HYAL4: variants seen among roughly 807,000 people sequenced by gnomAD.
HYAL4 encodes the protein hyaluronidase-4.
HYAL4 carries 37 observed loss-of-function variants against 35.2 expected under a neutral mutation model. That is an observed-to-expected ratio of 1.05 (90% confidence interval 0.81 to 1.38). The LOEUF is 1.38. Among genes scored for constraint, HYAL4 ranks in the 40% most tolerant of loss-of-function variants. HYAL4 has a pLI of 0.00. For missense variants in HYAL4, 572 were observed against 572.4 expected (o/e 1.00, Z 0.01); for synonymous variants, 198 against 203.2 (o/e 0.97, Z 0.22).
At chr7:123,785,252 T>C in the HYAL4 span, among the ~76,000 whole-genome samples, 1 of 151,314 alleles carries the variant, frequency 6.6e-6, no homozygotes, top group Middle Eastern at 3.2e-3. The surrounding 1 kb of genome is among the most constrained non-coding windows in gnomAD (Gnocchi z 4.5). Context: ...CGCCTGGTTA[T>C]TTTTTTTTAT....
rs1385089460 is a variant in HYAL4, at chr7:123,868,592, C to T, written c.319C>T (p.Pro107Ser). 1 of 1,614,090 alleles carries T rather than the reference C, an allele frequency of 6.2e-7. No homozygotes were observed. Among genetic ancestry groups the T allele is most frequent in the Non-Finnish European group, 8.5e-7 (1 of 1,180,002 alleles). ...YYPWYTSQGVPINGGLPQNIS... is the reference protein window; with the variant it reads ...YYPWYTSQGVSINGGLPQNIS... ...TCCGTGGTATACATCACAAGGGGTC[C>T]CCATTAATGGAGGTCTCCCACAGAA... Residue 107 changes from proline to serine, a missense_variant, in exon 3 of 5, where the codon CCC becomes TCC. Coordinates refer to ENST00000223026, the MANE Select transcript of HYAL4 (RefSeq NM_012269.3).
chr7:123,807,432 G>GTTTGTTTTT, the HYAL4 span, among the ~76,000 whole-genome samples: 4,140 of 119,832 alleles, frequency 0.035, 116 homozygotes, highest in Non-Finnish European at 0.041. Context: ...ACTTTTTATG[G>GTTTGTTTTT]TTTTTTTTTT....
At chr7:123,796,931 G>C in the HYAL4 span, among the ~76,000 whole-genome samples, 1 of 152,180 alleles carries the variant, frequency 6.6e-6, no homozygotes, top group Non-Finnish European at 1.5e-5. Context: ...GTGGTTTCTT[G>C]TAAGTAGGGA....
chr7:123,805,370 T>A, the HYAL4 span, among the ~76,000 whole-genome samples: 3 of 152,342 alleles, frequency 2.0e-5, no homozygotes, highest in East Asian at 3.9e-4. Context: ...CCAATTCTTA[T>A]GTCTTTAAAT....
chr7:123,857,515 C>T (rs1356376411), intron 2 of HYAL4, among the ~76,000 whole-genome samples: 2 of 151,996 alleles, frequency 1.3e-5, no homozygotes, highest in South Asian at 4.2e-4. Context: ...GTTGAACCCA[C>T]TGTCTAACCA....
upstream of HYAL4, among the ~76,000 whole-genome samples, chr7:123,827,263 T>C (rs192422756): frequency 6.6e-6 from 1 of 151,724 alleles, no homozygotes; most frequent in Admixed American, 6.6e-5. Context: ...TCTAGTGAGG[T>C]TGGGGATAAA....
At chr7:123,840,362 C>T (rs1323325625), upstream of HYAL4, among the ~76,000 whole-genome samples, 1 of 152,064 alleles carries the variant, frequency 6.6e-6, no homozygotes, top group African/African-American at 2.4e-5. Flanking sequence ...GTTTTGGTAC[C>T]AGTACCATGC....
intron 2 of HYAL4, among the ~76,000 whole-genome samples, chr7:123,853,840 G>A (rs1206805551): frequency 1.3e-5 from 2 of 152,136 alleles, no homozygotes; most frequent in African/African-American, 2.4e-5. Context: ...GAATTCGGAT[G>A]TGAATCCTTC....
intron 3 of HYAL4, among the ~76,000 whole-genome samples, chr7:123,869,947 C>T (rs1410956864): frequency 1.3e-5 from 2 of 152,014 alleles, no homozygotes; most frequent in Non-Finnish European, 2.9e-5. Flanking sequence ...TCCTCGGCCT[C>T]CCAAAGTGCT....
chr7:123,864,423 A>G (rs934663034), intron 2 of HYAL4, among the ~76,000 whole-genome samples: 2 of 152,148 alleles, frequency 1.3e-5, no homozygotes, highest in African/African-American at 4.8e-5. Flanking sequence ...TTCTACCTCC[A>G]ATATCTTGCT....
At chr7:123,771,027 GA>G in the HYAL4 span, among the ~76,000 whole-genome samples, 1 of 152,080 alleles carries the variant, frequency 6.6e-6, no homozygotes, top group Non-Finnish European at 1.5e-5. Flanking sequence ...TTCATTAACA[GA>G]AAAAGAGGGT....
Position 123,868,449 on chromosome 7 carries a change from G to A in HYAL4, c.176G>A (p.Cys59Tyr). 1 of 1,607,782 alleles carries A rather than the reference G, an allele frequency of 6.2e-7. No homozygotes were observed. The highest frequency in any genetic ancestry group is 8.5e-7 in the Non-Finnish European group (1 of 1,178,630). ...GCTTGGAATGCTCCAACAGATCAGT[G>A]TTTGATAAAATATAATTTAAGACTA... ...IAAWNAPTDQ[C>Y]LIKYNLRLNL... Residue 59 changes from cysteine (C) to tyrosine (Y), a missense_variant, in exon 3 of 5, where the codon TGT becomes TAT. Transcript: ENST00000223026.
the HYAL4 span, chr7:123,814,653 A>G: frequency 2.0e-5 from 3 of 152,776 alleles, no homozygotes; most frequent in African/African-American, 7.2e-5. Flanking sequence ...ATGAAAGTGG[A>G]AACAGTTGCC....
At chr7:123,843,526 G>A (rs1425472906), upstream of HYAL4, among the ~76,000 whole-genome samples, 1 of 151,878 alleles carries the variant, frequency 6.6e-6, no homozygotes, top group African/African-American at 2.4e-5. Context: ...TGTATTTCCT[G>A]AATTTGAATG....
the HYAL4 span, among the ~76,000 whole-genome samples, chr7:123,764,770 A>G: frequency 1.3e-5 from 2 of 152,326 alleles, no homozygotes; most frequent in Non-Finnish European, 1.5e-5. Flanking sequence ...TGCCAAAGTC[A>G]TCCTCTGTAG....
At chr7:123,829,763 C>G (rs1375404402) in intron 1 of HYAL4, among the ~76,000 whole-genome samples, 1 of 152,118 alleles carries the variant, frequency 6.6e-6, no homozygotes, top group East Asian at 1.9e-4. Context: ...CCCAGGAGTT[C>G]AAAGCTGTGG....
At chr7:123,789,425 C>T in the HYAL4 span, among the ~76,000 whole-genome samples, 1 of 152,120 alleles carries the variant, frequency 6.6e-6, no homozygotes, top group Admixed American at 6.5e-5. Context: ...CAAGGAACAC[C>T]TTGAACAATG....
chr7:123,772,542 C>T, the HYAL4 span, among the ~76,000 whole-genome samples: 2 of 152,064 alleles, frequency 1.3e-5, no homozygotes. Context: ...AAATTTCAAA[C>T]GTGGAGACTA....
At chr7:123,870,797 T>A (rs1471907204) in intron 3 of HYAL4, among the ~76,000 whole-genome samples, 10 of 152,008 alleles carry the variant, frequency 6.6e-5, no homozygotes, top group Non-Finnish European at 4.4e-5. Context: ...CGTAAATCTT[T>A]ATAAAATAAT....
Sources: gnomAD v4.1 joint callset for allele counts (sites outside exome capture counted in the v4.1 genomes callset) on GRCh38, gnomAD v4.1.1 for gene constraint, Gnocchi (gnomAD v3.1) non-coding constraint, MANE v1.5 for transcripts, NCBI Gene and HGNC (gene_info 2026-07-23, HGNC 2026-07-21) for gene names.